Variants in CACNA1A observed in about 807,000 individuals in gnomAD.
The protein encoded by CACNA1A is voltage-dependent P/Q-type calcium channel subunit alpha-1A.
Under a neutral mutation model 262.4 loss-of-function variants are expected in CACNA1A, and 57 were observed. That is an observed-to-expected ratio of 0.22 (90% CI 0.18 to 0.27). The LOEUF is 0.27. Ranked by LOEUF, CACNA1A falls within the 10% of genes least tolerant of loss-of-function variation. The probability of loss-of-function intolerance (pLI) is 1.00; values close to 1 mark genes in which losing one functional copy is unlikely to be tolerated. For synonymous variants in CACNA1A, 1,431 were observed against 1,419.3 expected (o/e 1.01, Z -0.18); for missense variants, 2,526 against 3,562.8 (o/e 0.71, Z 7.41).
chr19:13,452,807 C>T, intron 3 of CACNA1A, 69 bp downstream of exon 3: 5 of 1,504,072 alleles, frequency 3.3e-6, no homozygotes, highest in Non-Finnish European at 4.6e-6. Flanking sequence ...CTGGCCCGGA[C>T]CACACCAACC....
At chr19:13,254,868 G>A (rs997627411) in intron 29 of CACNA1A, among the ~76,000 whole-genome samples, 1 of 152,120 alleles carries the variant, frequency 6.6e-6, no homozygotes, top group South Asian at 2.1e-4. Flanking sequence ...GGTGGTCAGG[G>A]AAGGCTTTCT....
At chr19:13,427,774 A>AAAAC (rs60914806) in intron 3 of CACNA1A, among the ~76,000 whole-genome samples, 5,998 of 150,896 alleles carry the variant, frequency 0.04, 346 homozygotes, top group African/African-American at 0.13. Context: ...CACAGTGGTA[A>AAAAC]AAACAAACAA....
Position 13,291,810 on chromosome 19 carries a change from A to T in CACNA1A, c.3090-4844T>A, listed in dbSNP as rs562442552. On this transcript the variant is annotated intron_variant, in intron 19 of 46. Transcript: ENST00000360228. ...TAACAGAGCAAGACTGTTTTTTTTT[A>T]AAAAAACCAACTTGGGCCCATTGGG... Among the ~76,000 whole-genome samples the T allele has an allele frequency of 1.5e-4, 22 of 151,278 alleles. 1 individual carries two copies. Among genetic ancestry groups the T allele is most frequent in the Middle Eastern group, 3.4e-3 (1 of 294 alleles).
At chr19:13,227,680 A>T in intron 36 of CACNA1A, 153 bp from the exon 37 acceptor site, 1 of 378,136 alleles carries the variant, frequency 2.6e-6, no homozygotes. Flanking sequence ...AAAGATGCAG[A>T]GAATGATAAA....
At chr19:13,337,368 C>T (rs2058594859) in intron 6 of CACNA1A, among the ~76,000 whole-genome samples, 1 of 152,270 alleles carries the variant, frequency 6.6e-6, no homozygotes, top group African/African-American at 2.4e-5. Context: ...CTTGTAGAGG[C>T]ATCATCCTGA....
intron 3 of CACNA1A, among the ~76,000 whole-genome samples, chr19:13,430,001 G>C (rs1277715625): frequency 8.2e-6 from 1 of 122,018 alleles, no homozygotes; most frequent in Admixed American, 8.1e-5. Context: ...GAGTGGGGAG[G>C]GGGGAAGGGG....
At chr19:13,393,394 A>C in intron 3 of CACNA1A, among the ~76,000 whole-genome samples, 1 of 152,210 alleles carries the variant, frequency 6.6e-6, no homozygotes, top group East Asian at 1.9e-4. Flanking sequence ...TTAAAGTTCA[A>C]AAACAAGCAA....
intron 1 of CACNA1A, among the ~76,000 whole-genome samples, chr19:13,490,692 GGAAAGAAAGAAAGAAAGAAA>G (rs56868654): frequency 0.034 from 4,537 of 132,648 alleles, 132 homozygotes; most frequent in African/African-American, 0.068. Context: ...GAGAAAGAAA[GGAAAGAAAGAAAGAAAGAAA>G]GAAAGAAAGA....
intron 3 of CACNA1A, among the ~76,000 whole-genome samples, chr19:13,383,988 A>G (rs896863717): frequency 7.2e-5 from 11 of 151,950 alleles, no homozygotes; most frequent in African/African-American, 2.2e-4. Flanking sequence ...CTAATTTTTA[A>G]TATTTTTTTT....
In CACNA1A at chr19:13,207,428, C is replaced by T; in HGVS notation, c.7406G>A (p.Gly2469Asp). ...GPACASPSRH[G>D]RRLPNGYYPA... ...GTAGTAGCCGTTGGGGAGTCGCCGG[C>T]CGTGCCGAGAAGGCGAGGCGCAGGC... Residue 2469 changes from glycine to aspartate, a missense_variant, in exon 47 of 47, where the codon GGC (glycine) becomes GAC (aspartate). Gly to Asp is a moderately conservative substitution (Grantham distance 94). Coordinates refer to ENST00000360228, the MANE Select transcript of CACNA1A (RefSeq NM_001127222.2). This position sits in a 1 kb window ranked among gnomAD's most constrained non-coding sequence, Gnocchi z 5.7. 1 of 1,523,446 alleles carries T rather than the reference C, an allele frequency of 6.6e-7. No homozygotes were observed. The highest frequency in any genetic ancestry group is 2.5e-5 in the East Asian group (1 of 39,492). The allele number at this position is 1,523,446 out of a possible 1,614,324, so 94.4% of individuals were successfully genotyped here.
intron 3 of CACNA1A, among the ~76,000 whole-genome samples, chr19:13,421,286 G>T (rs2060311338): frequency 6.6e-6 from 1 of 151,932 alleles, no homozygotes; most frequent in African/African-American, 2.4e-5. Flanking sequence ...GGCCTTTTGG[G>T]TCTCTTAGTA....
intron 34 of CACNA1A, among the ~76,000 whole-genome samples, chr19:13,233,652 T>A (rs2055752069): frequency 6.6e-6 from 1 of 151,984 alleles, no homozygotes; most frequent in East Asian, 1.9e-4. Flanking sequence ...TATGCCCAGT[T>A]AATTAAAAAC....
At chr19:13,253,172 T>G (rs1827392947) in intron 29 of CACNA1A, 71 bp from the exon 30 acceptor site, 1 of 911,462 alleles carries the variant, frequency 1.1e-6, no homozygotes, top group Non-Finnish European at 1.8e-6. Context: ...GGAGGCAGCT[T>G]CATGGCTGTT....
intron 31 of CACNA1A, among the ~76,000 whole-genome samples, chr19:13,240,492 C>A (rs979227672): frequency 2.7e-5 from 4 of 148,782 alleles, no homozygotes; most frequent in African/African-American, 1.0e-4. Flanking sequence ...TGACTACATG[C>A]AGTGCCAGTG....
chr19:13,504,437 C>T (rs1052992670), intron 1 of CACNA1A, among the ~76,000 whole-genome samples: 4 of 152,106 alleles, frequency 2.6e-5, no homozygotes, highest in Non-Finnish European at 5.9e-5. Flanking sequence ...ACTCCAAAAC[C>T]TCAGTGCCCT....
intron 3 of CACNA1A, among the ~76,000 whole-genome samples, chr19:13,411,787 C>A (rs1470869715): frequency 6.6e-6 from 1 of 152,072 alleles, no homozygotes; most frequent in Non-Finnish European, 1.5e-5. Context: ...CTACAGCTCA[C>A]TACAGCCTCA....
At chr19:13,464,986 T>C (rs988625393) in intron 1 of CACNA1A, among the ~76,000 whole-genome samples, 9 of 152,108 alleles carry the variant, frequency 5.9e-5, no homozygotes, top group African/African-American at 1.2e-4. Flanking sequence ...TGGAGTGCAA[T>C]GGTGCAATCT....
At chr19:13,300,355 A>G (rs1022327656) in intron 18 of CACNA1A, among the ~76,000 whole-genome samples, 195 bp downstream of exon 18, 1 of 152,104 alleles carries the variant, frequency 6.6e-6, no homozygotes, top group Non-Finnish European at 1.5e-5. Flanking sequence ...TATCCCCAGA[A>G]GTTAGAACAG....
chr19:13,378,589 G>A (rs1282208301), intron 3 of CACNA1A, among the ~76,000 whole-genome samples: 1 of 152,112 alleles, frequency 6.6e-6, no homozygotes. Flanking sequence ...CCCTTCACCA[G>A]CAAGATGAGG....
Sources: allele counts gnomAD v4.1 joint callset (sites outside exome capture counted in the v4.1 genomes callset), GRCh38; gene constraint gnomAD v4.1.1; non-coding constraint Gnocchi (gnomAD v3.1); transcripts MANE v1.5; gene names NCBI Gene and HGNC (gene_info 2026-07-23, HGNC 2026-07-21).